The following MXRA5 variants were observed in gnomAD, a reference collection of about 807,000 sequenced individuals.
MXRA5 encodes the protein matrix remodeling associated 5.
Under a neutral mutation model 112.5 loss-of-function variants are expected in MXRA5, and 41 were observed. That is an observed-to-expected ratio of 0.36 (90% CI 0.28 to 0.47). The LOEUF is 0.47. MXRA5 is among the 20% of genes least tolerant of loss of function. The pLI, the probability that MXRA5 is intolerant of heterozygous loss-of-function variation, is 0.99. For missense variants in MXRA5, 2,150 were observed against 2,251.0 expected (o/e 0.96, Z 0.91); for synonymous variants, 862 against 900.8 (o/e 0.96, Z 0.77).
intron 5 of MXRA5, among the ~76,000 whole-genome samples, chrX:3,319,404 G>A (rs1921236343): frequency 8.9e-6 from 1 of 112,448 alleles, no homozygotes; most frequent in Non-Finnish European, 1.9e-5. Flanking sequence ...GATGCCACAA[G>A]CTCAATTACT....
rs764545839 is a variant in MXRA5, at chrX:3,321,204, G to A, written c.4481C>T (p.Ser1494Leu). 52 of 1,209,591 alleles carry A rather than the reference G, an allele frequency of 4.3e-5. 1 individual carries two copies. The East Asian group carries it at 1.3e-3, about 30-fold the overall frequency. Reference protein sequence around the residue: ...TAARMKEPASSSPSTILMSLG... With the variant: ...TAARMKEPASLSPSTILMSLG... ...AGACATGAGAATTGTGGATGGGGAC[G>A]AGGATGCTGGCTCCTTCATCCGGGC... is the stretch of plus-strand genomic sequence containing the variant. The change falls in exon 5 of 7, where the codon TCG (serine) becomes TTG (leucine). Residue 1494 changes from serine (S) to leucine (L), a missense_variant. Transcript: ENST00000217939.
chrX:3,338,504 A>C (rs1382586524), intron 2 of MXRA5, among the ~76,000 whole-genome samples: 1 of 111,670 alleles, frequency 9.0e-6, no homozygotes, highest in Non-Finnish European at 1.9e-5. Flanking sequence ...CATAGGTGAT[A>C]GATAGATGAT....
intron 4 of MXRA5, among the ~76,000 whole-genome samples, chrX:3,328,515 G>A (rs1351357536): frequency 9.0e-6 from 1 of 111,254 alleles, no homozygotes; most frequent in Non-Finnish European, 1.9e-5. Context: ...GCCTGAATGG[G>A]TGCACATCCT....
chrX:3,325,029 C>T (rs1213190703), intron 4 of MXRA5, 54 bp from the exon 5 acceptor site: 3 of 1,107,144 alleles, frequency 2.7e-6, no homozygotes, highest in Admixed American at 2.9e-5. Flanking sequence ...AATGGCATGC[C>T]TTGCACATGG....
intron 2 of MXRA5, among the ~76,000 whole-genome samples, chrX:3,338,500 T>G (rs1365974001): frequency 9.0e-6 from 1 of 110,691 alleles, no homozygotes; most frequent in Non-Finnish European, 1.9e-5. Flanking sequence ...GGTACATAGG[T>G]GATAGATAGA....
rs973041089 is a variant in MXRA5, at chrX:3,321,284, G to A, written c.4401C>T (p.Thr1467=). The A allele has an allele frequency of 1.7e-6, 2 of 1,211,501 alleles. No individual in the cohort carries two copies. Among genetic ancestry groups the A allele is most frequent in the Non-Finnish European group, 2.2e-6 (2 of 895,405 alleles). ...TTTCAGAAAGGAGAATAGCCACAGT[G>A]GTTTCAAGATGATCTTGATCAAGGG... is the stretch of plus-strand genomic sequence containing the variant. The part of the protein sequence containing the change: ...TTTLDQDHLE[T]TVAILLSETR... Residue 1467 remains threonine (T), a synonymous_variant, in exon 5 of 7, where the codon ACC becomes ACT. Transcript: ENST00000217939.
At position 3,311,540 on chromosome X, in the gene MXRA5, G is replaced by C; in HGVS notation, c.6663C>G (p.Cys2221Trp). The change falls in exon 7 of 7, where the codon TGC becomes TGG. Residue 2221 changes from cysteine (C) to tryptophan (W), a missense_variant. Around this residue, in one of 6 missense-constraint regions of MXRA5, gnomAD observed 1,485 missense variants for 1,471.6 expected, o/e 1.01. Coordinates refer to ENST00000217939, the MANE Select transcript of MXRA5 (RefSeq NM_015419.4). ...CATCACCAACCTTATTTCGAGCTACGCACAGGTAATCTCCGGCATCTTTGT... is the reference window on the plus strand; with the variant it reads ...CATCACCAACCTTATTTCGAGCTACCCACAGGTAATCTCCGGCATCTTTGT... ...VTDKDAGDYL[C>W]VARNKVGDDY... 1.7e-6 allele frequency: 2 copies of C among 1,211,678 alleles called. No homozygotes were observed. Among genetic ancestry groups the C allele is most frequent in the Non-Finnish European group, 2.2e-6 (2 of 895,516 alleles).
At position 3,310,771 on chromosome X, in the gene MXRA5, A is replaced by G; in HGVS notation, c.7432T>C (p.Trp2478Arg). ...AGAACCACACCCTCGGGAAAAGCCC[A>G]TAACACCCTCGGGGTGGGGATGCCT... is the stretch of plus-strand genomic sequence containing the variant. ...AEGIPTPRVL[W>R]AFPEGVVLPA... Residue 2478 changes from tryptophan (W) to arginine (R), a missense_variant, in exon 7 of 7, where the codon TGG (tryptophan) becomes CGG (arginine). Trp to Arg is a moderately radical substitution (Grantham distance 101, BLOSUM62 -3). Transcript: ENST00000217939. The G allele has an allele frequency of 8.3e-7, 1 of 1,206,733 alleles. No homozygotes were observed. The highest frequency in any genetic ancestry group is 1.1e-6 in the Non-Finnish European group (1 of 893,350).
In MXRA5 at chrX:3,321,309, G is replaced by C; in HGVS notation, c.4376C>G (p.Thr1459Ser). 1 of 1,211,704 alleles carries C rather than the reference G, an allele frequency of 8.3e-7. No homozygotes were observed. The highest frequency in any genetic ancestry group is 1.8e-5 in the South Asian group (1 of 56,980). The change falls in exon 5 of 7, where the codon ACC becomes AGC. Residue 1459 changes from threonine (T) to serine (S), a missense_variant. Transcript: ENST00000217939. ...EVASSQAETT[T>S]LDQDHLETTV... ...GGTTTCAAGATGATCTTGATCAAGG[G>C]TGGTGGTTTCTGCCTGACTTGAAGC... is the stretch of plus-strand genomic sequence containing the variant.
intron 2 of MXRA5, among the ~76,000 whole-genome samples, chrX:3,331,251 G>A (rs1477581836): frequency 1.8e-5 from 2 of 111,350 alleles, no homozygotes; most frequent in Middle Eastern, 4.6e-3. Flanking sequence ...TCCCAAAGAC[G>A]TTTATCCCTT....
rs760937504 is a variant in MXRA5 at position 3,311,433 on chromosome X, T to C, written c.6770A>G (p.Tyr2257Cys). The C allele has an allele frequency of 1.4e-5, 17 of 1,211,876 alleles. No individual in the cohort carries two copies. The East Asian group carries it at 4.7e-4, about 34-fold the overall frequency. ...ACAGTCCACTTTCAGGTCACCCCCGTAGAAGACTTTGTGGTCGTTCTCCTC... is the reference window on the plus strand; with the variant it reads ...ACAGTCCACTTTCAGGTCACCCCCGCAGAAGACTTTGTGGTCGTTCTCCTC... The part of the protein sequence containing the change: ...HKEENDHKVF[Y>C]GGDLKVDCVA... Residue 2257 changes from tyrosine (Y) to cysteine (C), a missense_variant, in exon 7 of 7, where the codon TAC becomes TGC. Tyr to Cys is a radical substitution (Grantham distance 194). Transcript: ENST00000217939.
At chrX:3,344,312 T>C (rs1344201677) in intron 1 of MXRA5, among the ~76,000 whole-genome samples, 1 of 112,425 alleles carries the variant, frequency 8.9e-6, no homozygotes, top group Non-Finnish European at 1.9e-5. Context: ...GAAGTGTTTA[T>C]TCGTATTCTT....
In MXRA5 at chrX:3,309,597, C is replaced by T; in HGVS notation, c.*119G>A. 1.7e-6 allele frequency: 1 copy of T among 597,596 alleles called. No individual in the cohort carries two copies. The highest frequency in any genetic ancestry group is 2.3e-5 in the African/African-American group (1 of 43,949). The allele number at this position is 597,596 out of a possible 1,213,427, so 49.2% of individuals were successfully genotyped here. A position where few individuals can be genotyped will look rare whatever the true frequency, so the allele number is the denominator to read the frequency against. ...TCAAGATCAACCTCAACTTGAAACC[C>T]ACCAGAGGCCACCATGCACTGTGAC... On this transcript the variant is annotated 3_prime_UTR_variant, in exon 7 of 7. Transcript: ENST00000217939.
At position 3,322,795 on chromosome X, in the gene MXRA5, A is replaced by G; in HGVS notation, c.2890T>C (p.Leu964=). Reference sequence around the variant, plus strand: ...GACTCAGCCAAGGAGACAGCATCCAATGGAGGCTCATACTCACTGGATGTG... The same window carrying G: ...GACTCAGCCAAGGAGACAGCATCCAGTGGAGGCTCATACTCACTGGATGTG... ...EPTSSEYEPP[L]DAVSLAESEP... Residue 964 remains leucine (L), a synonymous_variant, in exon 5 of 7, where the codon TTG becomes CTG. Coordinates refer to ENST00000217939, the MANE Select transcript of MXRA5 (RefSeq NM_015419.4). 1 of 1,211,502 alleles carries G rather than the reference A, an allele frequency of 8.3e-7. No homozygotes were observed. Among genetic ancestry groups the G allele is most frequent in the Non-Finnish European group, 1.1e-6 (1 of 895,382 alleles).
chrX:3,329,712 TC>T (rs1921617847), intron 4 of MXRA5, among the ~76,000 whole-genome samples: 1 of 111,452 alleles, frequency 9.0e-6, no homozygotes, highest in Admixed American at 9.6e-5. Flanking sequence ...TAAGCTGCAG[TC>T]CAAGGCTGGC....
chrX:3,322,536 G>A lies in MXRA5; in HGVS notation c.3149C>T (p.Thr1050Ile). ...NIHLVKSSLSTQDTLLIKKGM... is the reference protein window; with the variant it reads ...NIHLVKSSLSIQDTLLIKKGM... ...CTTTTTAATCAGTAAGGTGTCTTGAGTGCTTAGACTACTTTTCACAAGGTG... is the reference window on the plus strand; with the variant it reads ...CTTTTTAATCAGTAAGGTGTCTTGAATGCTTAGACTACTTTTCACAAGGTG... Residue 1050 changes from threonine to isoleucine, a missense_variant, in exon 5 of 7, where the codon ACT becomes ATT. Thr to Ile is a moderately conservative substitution (Grantham distance 89). This residue lies in a region of MXRA5 where 1,485 missense variants were observed against 1,471.6 expected (regional missense o/e 1.01). Transcript: ENST00000217939. The A allele has an allele frequency of 2.5e-6, 3 of 1,211,473 alleles. No individual in the cohort carries two copies. Among genetic ancestry groups the A allele is most frequent in the Non-Finnish European group, 2.2e-6 (2 of 895,389 alleles).
In MXRA5 at chrX:3,323,003, C is replaced by T; in HGVS notation, c.2682G>A (p.Lys894=). 1 of 1,211,580 alleles carries T rather than the reference C, an allele frequency of 8.3e-7. No individual in the cohort carries two copies. Among genetic ancestry groups the T allele is most frequent in the Non-Finnish European group, 1.1e-6 (1 of 895,421 alleles). The change falls in exon 5 of 7, where the codon AAG becomes AAA. Residue 894 remains lysine (K), a synonymous_variant. Transcript: ENST00000217939. ...CTTCAGTGGAAGTTATCTCCTCAGTCTTCTCGGAAAGGTCATCAACAACTT... is the reference window on the plus strand; with the variant it reads ...CTTCAGTGGAAGTTATCTCCTCAGTTTTCTCGGAAAGGTCATCAACAACTT... ...LEEVVDDLSE[K]TEEITSTEGD... is the part of the protein sequence containing the mutation.
chrX:3,327,268 G>A (rs751210435), intron 4 of MXRA5, among the ~76,000 whole-genome samples: 6 of 111,455 alleles, frequency 5.4e-5, no homozygotes, highest in East Asian at 2.8e-4. Flanking sequence ...CTCAACATGC[G>A]AATAGGATTG....
chrX:3,318,883 A>G (rs1201467477), intron 5 of MXRA5, among the ~76,000 whole-genome samples: 3 of 111,983 alleles, frequency 2.7e-5, no homozygotes, highest in Non-Finnish European at 5.6e-5. Context: ...AAAACAAACA[A>G]AAAACGAAAT....
Sources: gnomAD v4.1 joint callset for allele counts (sites outside exome capture counted in the v4.1 genomes callset) on GRCh38, gnomAD v4.1.1 for gene constraint, gnomAD v4.1.1 regional missense constraint, MANE v1.5 for transcripts, NCBI Gene and HGNC (gene_info 2026-07-23, HGNC 2026-07-21) for gene names.